KEL: variants seen among roughly 807,000 people sequenced by gnomAD.
KEL encodes the protein kell blood group glycoprotein.
In KEL, 96 loss-of-function variants were observed where a neutral mutation model predicts 99.5. That is an observed-to-expected ratio of 0.97 (90% confidence interval 0.82 to 1.14). The LOEUF is 1.14. Among genes scored for constraint, KEL ranks in the 50% most tolerant of loss-of-function variants. The pLI is 0.00. For synonymous variants in KEL, 355 were observed against 354.8 expected (o/e 1.00, Z -0.01); for missense variants, 926 against 924.2 (o/e 1.00, Z -0.03).
chr7:142,942,490 C>A lies in KEL; in HGVS notation c.1981G>T (p.Val661Phe), dbSNP rs1321462426. The A allele has an allele frequency of 2.5e-6, 4 of 1,610,436 alleles. No homozygotes were observed. Among genetic ancestry groups the A allele is most frequent in the Non-Finnish European group, 3.4e-6 (4 of 1,178,502 alleles). ...GGGCTGAGGTCCAGGCTGGGCAGGA[C>A]AGTCTCCCCATGGTGCCGTAACAGC... ...KRLLRHHGETVLPSLDLSPQQ... is the reference protein window; with the variant it reads ...KRLLRHHGETFLPSLDLSPQQ... Residue 661 changes from valine to phenylalanine, a missense_variant, in exon 18 of 19, where the codon GTC becomes TTC. Transcript: ENST00000355265.
In KEL at chr7:142,954,662, T is replaced by C. The variant is rs1363889560; in HGVS notation, c.673-135A>G. On this transcript the variant is annotated intron_variant, in intron 6 of 18. Coordinates refer to ENST00000355265, the MANE Select transcript of KEL (RefSeq NM_000420.3). ...AGATTGGACAGAAGAGAAGCAAGAG[T>C]ACAAAGAAAGGGAGGGATTAAGGGT... is the stretch of plus-strand genomic sequence containing the variant. 42 of 814,256 alleles carry C rather than the reference T, an allele frequency of 5.2e-5. 1 individual carries two copies. The highest frequency in any genetic ancestry group is 8.2e-5 in the Non-Finnish European group (38 of 463,358). The allele number at this position is 814,256 out of a possible 1,614,324, so 50.4% of individuals were successfully genotyped here.
intron 4 of KEL, 45 bp downstream of exon 4, chr7:142,960,881 CAG>C: frequency 3.8e-6 from 6 of 1,582,126 alleles, no homozygotes; most frequent in Non-Finnish European, 5.2e-6. Flanking sequence ...ATTTTAGGCA[CAG>C]AGTCACCCAC....
Position 142,957,981 on chromosome 7 carries a change from GGA to G in KEL, c.526-10_526-9del, listed in dbSNP as rs1283653922. On this transcript the variant is annotated splice_polypyrimidine_tract_variant and intron_variant, in intron 5 of 18. Transcript: ENST00000355265. ...GATGCGCCAGCCTCCAAGCTTTAAA[GGA>G]GAGAGAGGGGGCTGAGCATAAGGAT... The G allele has an allele frequency of 1.2e-6, 2 of 1,613,356 alleles. No homozygotes were observed. Among genetic ancestry groups the G allele is most frequent in the African/African-American group, 2.7e-5 (2 of 74,916 alleles).
chr7:142,944,183 C>T (rs879151951), intron 13 of KEL, 140 bp downstream of exon 13: 62 of 781,480 alleles, frequency 7.9e-5, no homozygotes, highest in Non-Finnish European at 1.3e-4. Context: ...GATATTTCCC[C>T]ATCAACCCCA....
intron 11 of KEL, among the ~76,000 whole-genome samples, chr7:142,945,665 G>A (rs976081315): frequency 6.0e-5 from 9 of 150,180 alleles, no homozygotes; most frequent in African/African-American, 7.4e-5. Context: ...TTTCACTCTT[G>A]TCACCCAGGC....
chr7:142,959,754 C>A (rs1466139712), intron 4 of KEL, among the ~76,000 whole-genome samples: 1 of 152,246 alleles, frequency 6.6e-6, no homozygotes, highest in East Asian at 1.9e-4. Flanking sequence ...CACCCTCAGT[C>A]CCCCTGATAT....
At position 142,954,338 on chromosome 7, in the gene KEL, A is replaced by G; in HGVS notation, c.770T>C (p.Leu257Pro). ...FREYLTYLNQ[L>P]GTLLGGDPSK... ...TGGGTCTCCTCCCAGCAAGGTTCCC[A>G]GCTGATTCAGGTAAGTCAGGTATTC... The change falls in exon 8 of 19, where the codon CTG becomes CCG. Residue 257 changes from leucine (L) to proline (P), a missense_variant. By Grantham distance (98) the Leu-to-Pro change is moderately conservative (BLOSUM62 -3). Transcript: ENST00000355265. 1 of 1,614,190 alleles carries G rather than the reference A, an allele frequency of 6.2e-7. No homozygotes were observed. Among genetic ancestry groups the G allele is most frequent in the Non-Finnish European group, 8.5e-7 (1 of 1,180,034 alleles).
At chr7:142,948,432 G>A (rs1796589494) in intron 10 of KEL, among the ~76,000 whole-genome samples, 3 of 152,170 alleles carry the variant, frequency 2.0e-5, no homozygotes, top group Admixed American at 1.3e-4. Context: ...GATAGTATTT[G>A]AGAAATGATA....
Position 142,958,292 on chromosome 7 carries a change from A to G in KEL, c.525+12T>C. 6.2e-7 allele frequency: 1 copy of G among 1,614,040 alleles called. No individual in the cohort carries two copies. The highest frequency in any genetic ancestry group is 2.2e-5 in the East Asian group (1 of 44,876). On this transcript the variant is annotated intron_variant, in intron 5 of 18. Coordinates refer to ENST00000355265, the MANE Select transcript of KEL (RefSeq NM_000420.3). ...ATGTATCCAGAAAAGTTAATATCCC[A>G]ACTTTTCTCACCTCCTCAATAACTT...
chr7:142,947,082 C>T (rs914820206), intron 10 of KEL, among the ~76,000 whole-genome samples: 1 of 152,106 alleles, frequency 6.6e-6, no homozygotes, highest in Admixed American at 6.6e-5. Flanking sequence ...AAGGTCTTGG[C>T]GGTGGGCTTG....
At chr7:142,945,061 A>G (rs1372987301) in intron 11 of KEL, 4 of 445,804 alleles carry the variant, frequency 9.0e-6, no homozygotes, top group Non-Finnish European at 1.7e-5. Context: ...ACCTCTCAGA[A>G]ATCAGAGGGA....
In KEL at chr7:142,954,170, C is replaced by G; in HGVS notation, c.924+14G>C. ...CCCCATGCCCACAGTCTTCTGGCCC[C>G]CAGTTCCAGGCACCTTGAGCTGGTC... On this transcript the variant is annotated intron_variant, in intron 8 of 18. Transcript: ENST00000355265. 2.5e-6 allele frequency: 4 copies of G among 1,606,610 alleles called. No individual in the cohort carries two copies. Among genetic ancestry groups the G allele is most frequent in the Non-Finnish European group, 3.4e-6 (4 of 1,179,650 alleles).
rs749939019 is a variant in KEL at position 142,944,357 on chromosome 7, A to C, written c.1457T>G (p.Leu486Arg). 3.7e-6 allele frequency: 6 copies of C among 1,614,130 alleles called. 1 individual carries two copies. In the South Asian group the frequency reaches 6.6e-5, roughly 18 times the overall value. ...TTCTTGTCGGGCCAGCTCTGGCTTC[A>C]GGGCCCATTCTGAAGCCCCCATCTC... ...QVEMGASEWA[L>R]KPELARQEYN... Residue 486 changes from leucine (L) to arginine (R), a missense_variant, in exon 13 of 19, where the codon CTG (leucine) becomes CGG (arginine). By Grantham distance (102) the Leu-to-Arg change is moderately radical. Transcript: ENST00000355265.
At chr7:142,961,194 T>C in intron 3 of KEL, 90 bp from the exon 4 acceptor site, 3 of 1,523,128 alleles carry the variant, frequency 2.0e-6, no homozygotes, top group Non-Finnish European at 2.7e-6. Context: ...GGTGAGTAAC[T>C]AAGTGGGGAG....
At chr7:142,961,138 G>A (rs753731666) in intron 3 of KEL, 34 bp from the exon 4 acceptor site, 1 of 1,611,288 alleles carries the variant, frequency 6.2e-7, no homozygotes, top group South Asian at 1.1e-5. Context: ...GGAAAGAAGA[G>A]GCAAAAAGAC....
At chr7:142,958,235 G>T in intron 5 of KEL, 69 bp downstream of exon 5, 2 of 1,611,272 alleles carry the variant, frequency 1.2e-6, no homozygotes, top group South Asian at 2.2e-5. Context: ...AAAAAAAATG[G>T]CAGCCCTAAG....
intron 3 of KEL, 60 bp downstream of exon 3, chr7:142,961,300 G>C (rs534042161): frequency 1.2e-6 from 2 of 1,607,520 alleles, no homozygotes; most frequent in African/African-American, 1.3e-5. Context: ...CAGGGACTGG[G>C]CCTGGGCCCC....
intron 10 of KEL, among the ~76,000 whole-genome samples, chr7:142,949,929 T>A (rs958351589): frequency 5.3e-5 from 8 of 152,256 alleles, no homozygotes; most frequent in African/African-American, 1.4e-4. Context: ...TCATTGACTA[T>A]AACTCTATTC....
intron 5 of KEL, 87 bp from the exon 6 acceptor site, chr7:142,958,060 G>A: frequency 6.6e-7 from 1 of 1,507,572 alleles, no homozygotes; most frequent in Non-Finnish European, 9.1e-7. Context: ...AGCTGCTACT[G>A]CCTGACCTCT....
Sources: allele counts gnomAD v4.1 joint callset (sites outside exome capture counted in the v4.1 genomes callset), GRCh38; gene constraint gnomAD v4.1.1; transcripts MANE v1.5; gene names NCBI Gene and HGNC (gene_info 2026-07-23, HGNC 2026-07-21).